Variants in LARGE1 observed in about 807,000 individuals in gnomAD.
LARGE1 encodes the protein LARGE xylosyl- and glucuronyltransferase 1, also known as xylosyl- and glucuronyltransferase LARGE1.
A neutral mutation model predicts 87.6 loss-of-function variants in LARGE1; 43 were observed. The observed-to-expected ratio is 0.49, with a 90% CI of 0.38 to 0.63. LARGE1 has a LOEUF of 0.63. Ranked by LOEUF, LARGE1 falls within the 30% of genes least tolerant of loss-of-function variation. The pLI, the probability that LARGE1 is intolerant of heterozygous loss-of-function variation, is 0.00. For missense variants in LARGE1, 802 were observed against 1,000.2 expected (o/e 0.80, Z 2.67); for synonymous variants, 434 against 394.6 (o/e 1.10, Z -1.18).
chr22:33,567,671 G>A (rs1420049459), intron 5 of LARGE1, among the ~76,000 whole-genome samples: 1 of 152,156 alleles, frequency 6.6e-6, no homozygotes, highest in African/African-American at 2.4e-5. Context: ...GGTACACTGT[G>A]TAATGGTGGA....
At chr22:33,781,702 T>C (rs990635664) in intron 1 of LARGE1, among the ~76,000 whole-genome samples, 3 of 152,210 alleles carry the variant, frequency 2.0e-5, no homozygotes, top group Non-Finnish European at 4.4e-5. Context: ...ATAATACTTA[T>C]CTAGCACTTA....
intron 3 of LARGE1, among the ~76,000 whole-genome samples, chr22:33,647,073 TG>T (rs1446918865): frequency 1.0e-4 from 16 of 152,382 alleles, no homozygotes; most frequent in Non-Finnish European, 2.2e-4. Context: ...TAGAATCATC[TG>T]GATATATTCT....
chr22:33,282,332 C>A (rs12158409), intron 13 of LARGE1, among the ~76,000 whole-genome samples: 2 of 152,088 alleles, frequency 1.3e-5, no homozygotes, highest in African/African-American at 4.8e-5. Flanking sequence ...GCAATAAAAG[C>A]GAAGCTCTGT....
rs1041469797 is a variant in LARGE1 at position 33,678,806 on chromosome 22, G to A, written c.107-28138C>T. ...ATGAGGAAGAGGCGCATCTGCGACC[G>A]TTTTGCCATGCGATGGTCAAGACAC... On this transcript the variant is annotated intron_variant, in intron 2 of 14. Coordinates refer to ENST00000397394, the MANE Select transcript of LARGE1 (RefSeq NM_133642.5). 5.3e-5 allele frequency among the ~76,000 whole-genome samples: 8 copies of A among 152,280 alleles called. 1 individual carries two copies. The highest frequency in any genetic ancestry group is 1.5e-5 in the Non-Finnish European group (1 of 68,030).
chr22:33,650,587 T>A lies in LARGE1; in HGVS notation c.188A>T (p.Glu63Val). The change falls in exon 3 of 15, where the codon GAG (glutamate) becomes GTG (valine). Residue 63 changes from glutamate (E) to valine (V), a missense_variant. This residue lies in a region of LARGE1 where 177 missense variants were observed against 158.3 expected (regional missense o/e 1.12). Transcript: ENST00000397394. ...CTCGCGCATGCGCACCTCCAGGCTC[T>A]CGCGCTCCCGCTGGCTGGAGGCCGT... is the stretch of plus-strand genomic sequence containing the variant. ...RYTASSQRER[E>V]SLEVRMREVE... 6.2e-7 allele frequency: 1 copy of A among 1,606,090 alleles called. No individual in the cohort carries two copies.
chr22:33,431,892 T>C (rs1203515690), intron 7 of LARGE1, among the ~76,000 whole-genome samples: 1 of 152,180 alleles, frequency 6.6e-6, no homozygotes, highest in Non-Finnish European at 1.5e-5. Context: ...GTCATACTGA[T>C]AAAGATATCC....
At chr22:33,922,609 C>G (rs1028280942), upstream of LARGE1, 13 of 152,252 alleles carry the variant, frequency 8.5e-5, no homozygotes, top group Non-Finnish European at 1.5e-4. Flanking sequence ...AGCTGGGGTC[C>G]TGCTGTCTTA....
chr22:33,128,895 T>C, the LARGE1 span, among the ~76,000 whole-genome samples: 1 of 151,812 alleles, frequency 6.6e-6, no homozygotes, highest in East Asian at 1.9e-4. Flanking sequence ...AGCTGAACAA[T>C]GAGAACACAT....
At chr22:33,821,949 T>C (rs962487442) in intron 1 of LARGE1, among the ~76,000 whole-genome samples, 1 of 129,470 alleles carries the variant, frequency 7.7e-6, no homozygotes, top group Non-Finnish European at 1.6e-5. Flanking sequence ...GTGACTTTTT[T>C]AGGTTTTTTT....
At chr22:33,395,226 CAAAAAAAA>C (rs3071528) in intron 7 of LARGE1, among the ~76,000 whole-genome samples, 2 of 61,640 alleles carry the variant, frequency 3.2e-5, no homozygotes, top group African/African-American at 1.2e-4. Flanking sequence ...GACTCTGCCT[CAAAAAAAA>C]AAAAAAAAAA....
intron 1 of LARGE1, among the ~76,000 whole-genome samples, chr22:33,867,402 G>C (rs2064137293): frequency 6.6e-6 from 1 of 152,142 alleles, no homozygotes; most frequent in Non-Finnish European, 1.5e-5. Context: ...GGACCAAACA[G>C]CCTTTCACTG....
chr22:33,444,584 G>C (rs960003326), intron 6 of LARGE1, among the ~76,000 whole-genome samples: 1 of 152,136 alleles, frequency 6.6e-6, no homozygotes, highest in African/African-American at 2.4e-5. Context: ...TAAAGATGTA[G>C]TAATTCTTGT....
intron 1 of LARGE1, among the ~76,000 whole-genome samples, chr22:33,804,640 A>C (rs1275676522): frequency 6.6e-6 from 1 of 152,214 alleles, no homozygotes; most frequent in Non-Finnish European, 1.5e-5. Context: ...ACCTTGAACA[A>C]CCTACTTTGA....
At chr22:33,587,702 A>C (rs1362950388) in intron 5 of LARGE1, among the ~76,000 whole-genome samples, 3 of 150,310 alleles carry the variant, frequency 2.0e-5, no homozygotes, top group Non-Finnish European at 4.4e-5. Context: ...TTTCCATTGC[A>C]ATTAATCAAA....
At chr22:33,478,216 T>C (rs1337367525) in intron 6 of LARGE1, among the ~76,000 whole-genome samples, 2 of 152,180 alleles carry the variant, frequency 1.3e-5, no homozygotes. Context: ...AAATAAGCAA[T>C]ACTTTCCAAA....
chr22:33,245,337 G>C (rs1926707058), intron 11 of LARGE1, among the ~76,000 whole-genome samples: 1 of 152,060 alleles, frequency 6.6e-6, no homozygotes. Flanking sequence ...CTAGAGTTTT[G>C]GCTTTTTCAA....
At chr22:33,781,927 A>G (rs1027326061) in intron 1 of LARGE1, among the ~76,000 whole-genome samples, 2 of 151,954 alleles carry the variant, frequency 1.3e-5, no homozygotes, top group Non-Finnish European at 2.9e-5. Context: ...AAGAAAATCA[A>G]TGTGTGTGTG....
intron 7 of LARGE1, among the ~76,000 whole-genome samples, chr22:33,421,208 TAAAA>T (rs1485466013): frequency 7.4e-6 from 1 of 135,960 alleles, no homozygotes; most frequent in East Asian, 2.0e-4. Context: ...AAAAATAAAA[TAAAA>T]TCAATCAATC....
chr22:33,216,447 T>C (rs575472898), intron 11 of LARGE1, among the ~76,000 whole-genome samples: 1 of 151,982 alleles, frequency 6.6e-6, no homozygotes, highest in African/African-American at 2.4e-5. Flanking sequence ...GCTAACACAG[T>C]GAAACCCCAT....
Sources: gnomAD v4.1 joint callset for allele counts (sites outside exome capture counted in the v4.1 genomes callset) on GRCh38, gnomAD v4.1.1 for gene constraint, gnomAD v4.1.1 regional missense constraint, MANE v1.5 for transcripts, NCBI Gene and HGNC (gene_info 2026-07-23, HGNC 2026-07-21) for gene names.